The following AQP3 variants were observed in gnomAD, a reference collection of about 807,000 sequenced individuals.
AQP3 encodes aquaporin-3.
In AQP3, 15 loss-of-function variants were observed where a neutral mutation model predicts 30.3. That is an observed-to-expected ratio of 0.49 (90% CI 0.33 to 0.76). AQP3 has a LOEUF of 0.76. AQP3 is among the 30% of genes least tolerant of loss of function. The probability of loss-of-function intolerance (pLI) is 0.02; values close to 1 mark genes in which losing one functional copy is unlikely to be tolerated. For synonymous variants in AQP3, 153 were observed against 163.2 expected (o/e 0.94, Z 0.47); for missense variants, 272 against 384.8 (o/e 0.71, Z 2.45).
At chr9:33,442,792 G>A (rs1488851291) in intron 4 of AQP3, 60 bp downstream of exon 4, 2 of 1,512,240 alleles carry the variant, frequency 1.3e-6, no homozygotes, top group Non-Finnish European at 9.2e-7. Context: ...ACCAGCCCAT[G>A]AGCTACCAAG....
At chr9:33,446,194 T>G (rs939048021) in intron 1 of AQP3, among the ~76,000 whole-genome samples, 2 of 152,202 alleles carry the variant, frequency 1.3e-5, no homozygotes, top group Non-Finnish European at 2.9e-5. Context: ...CCACCTCCTA[T>G]TGCCTTCTTG....
Position 33,443,969 on chromosome 9 carries a change from C to T in AQP3, c.109-77G>A, listed in dbSNP as rs990063543. On this transcript the variant is annotated intron_variant, in intron 1 of 5. Transcript: ENST00000297991. This position sits in a 1 kb window ranked among gnomAD's most constrained non-coding sequence, Gnocchi z 5.0. The stretch of plus-strand genomic sequence containing the variant: ...CAGAAGGAAGGGGTGAAGCCAGCAA[C>T]ATGCCCACTCGCCACCACTGGGAGG... 1.2e-5 allele frequency: 18 copies of T among 1,549,238 alleles called. No homozygotes were observed. In the East Asian group the frequency reaches 2.0e-4, roughly 18 times the overall value.
Position 33,441,828 on chromosome 9 carries a change from C to T in AQP3, c.*215G>A, listed in dbSNP as rs16919255. ...CAAAAGGATGTATTGACCCAAATTC[C>T]GGTTCCACCCCAGCTTAGGGGCAGT... On this transcript the variant is annotated 3_prime_UTR_variant, in exon 6 of 6. Coordinates refer to ENST00000297991, the MANE Select transcript of AQP3 (RefSeq NM_004925.5). 4.5e-4 allele frequency: 321 copies of T among 720,892 alleles called. 1 individual carries two copies. The highest frequency in any genetic ancestry group is 6.4e-4 in the Admixed American group (25 of 38,922). 44.7% of individuals were successfully genotyped at this position (720,892 alleles called of 1,614,324 possible).
In AQP3 at chr9:33,442,327, A is replaced by C. The variant is rs1456587462; in HGVS notation, c.684T>G (p.Leu228=). 1.9e-6 allele frequency: 3 copies of C among 1,612,982 alleles called. No homozygotes were observed. In the African/African-American group the frequency reaches 4.0e-5, roughly 22 times the overall value. ...TGAAGACTGCAGAGCCCCAGCCCGCAAGGGCTGTAAAAAGGCGGGGGCCAA... is the reference window on the plus strand; with the variant it reads ...TGAAGACTGCAGAGCCCCAGCCCGCCAGGGCTGTAAAAAGGCGGGGGCCAA... ...RDFGPRLFTA[L]AGWGSAVFTT... is the part of the protein sequence containing the mutation. Residue 228 remains leucine, a synonymous_variant, in exon 5 of 6, where the codon CTT becomes CTG. Transcript: ENST00000297991.
chr9:33,442,488 C>G lies in AQP3; in HGVS notation c.523G>C (p.Val175Leu), dbSNP rs1266911225. ...TTGTAGGGGTCAACAATGGCCAGCACACACACGATAAGGGAGGCTGTGCCT... is the reference window on the plus strand; with the variant it reads ...TTGTAGGGGTCAACAATGGCCAGCAGACACACGATAAGGGAGGCTGTGCCT... The part of the protein sequence containing the change: ...FIGTASLIVC[V>L]LAIVDPYNNP... The change falls in exon 5 of 6, where the codon GTG becomes CTG. Residue 175 changes from valine (V) to leucine (L), a missense_variant. Physicochemically the swap from Val to Leu is conservative, Grantham distance 32. Coordinates refer to ENST00000297991, the MANE Select transcript of AQP3 (RefSeq NM_004925.5). 1 of 1,610,472 alleles carries G rather than the reference C, an allele frequency of 6.2e-7. No individual in the cohort carries two copies. Among genetic ancestry groups the G allele is most frequent in the East Asian group, 2.2e-5 (1 of 44,722 alleles).
intron 1 of AQP3, among the ~76,000 whole-genome samples, chr9:33,444,209 G>A (rs1162356900): frequency 1.3e-5 from 2 of 152,172 alleles, no homozygotes; most frequent in Non-Finnish European, 1.5e-5. Flanking sequence ...TAGGTGTAGG[G>A]GAACAGCTTT....
At position 33,441,168 on chromosome 9, in the gene AQP3, A is replaced by C. The variant is rs968496000; in HGVS notation, c.*875T>G. 6.6e-6 allele frequency: 1 copy of C among 152,592 alleles called. No individual in the cohort carries two copies. The highest frequency in any genetic ancestry group is 2.4e-5 in the African/African-American group (1 of 41,426). The allele number at this position is 152,592 out of a possible 1,614,324, so 9.5% of individuals were successfully genotyped here. A position where few individuals can be genotyped will look rare whatever the true frequency, so the allele number is the denominator to read the frequency against. On this transcript the variant is annotated 3_prime_UTR_variant, in exon 6 of 6. Transcript: ENST00000297991. ...ATTTGCACAACTGGAGGTTTTAGGC[A>C]CATATTTATTTTATTTTTTTTAATA...
chr9:33,442,753 C>T, intron 4 of AQP3, 99 bp downstream of exon 4: 2 of 1,267,560 alleles, frequency 1.6e-6, no homozygotes, highest in South Asian at 1.2e-5. Flanking sequence ...TGGAGAAACC[C>T]TGCTACAGTC....
In AQP3 at chr9:33,443,750, A is replaced by G; in HGVS notation, c.235+16T>C. Reference sequence around the variant, plus strand: ...CTATTGAGGGCCAAGGGCTGGGGGCAGGGTTAAGGCCTTACCAGAGACCTG... The same window carrying G: ...CTATTGAGGGCCAAGGGCTGGGGGCGGGGTTAAGGCCTTACCAGAGACCTG... On this transcript the variant is annotated intron_variant, in intron 2 of 5. Transcript: ENST00000297991. This position sits in a 1 kb window ranked among gnomAD's most constrained non-coding sequence, Gnocchi z 5.0. 6.2e-7 allele frequency: 1 copy of G among 1,613,900 alleles called. No individual in the cohort carries two copies. The highest frequency in any genetic ancestry group is 8.5e-7 in the Non-Finnish European group (1 of 1,179,944).
In AQP3 at chr9:33,443,563, G is replaced by A. The variant is rs181185448; in HGVS notation, c.236-105C>T. 6.0e-5 allele frequency: 90 copies of A among 1,496,356 alleles called. No individual in the cohort carries two copies. The East Asian group carries it at 1.6e-3, about 27-fold the overall frequency. The allele number at this position is 1,496,356 out of a possible 1,614,324, so 92.7% of individuals were successfully genotyped here. A position where few individuals can be genotyped will look rare whatever the true frequency, so the allele number is the denominator to read the frequency against. ...AGAGGGGTTTCTTGCACAGGATGGCGGTTGGTCTATGTAACAGGTCAGCTG... is the reference window on the plus strand; with the variant it reads ...AGAGGGGTTTCTTGCACAGGATGGCAGTTGGTCTATGTAACAGGTCAGCTG... On this transcript the variant is annotated intron_variant, in intron 2 of 5. Coordinates refer to ENST00000297991, the MANE Select transcript of AQP3 (RefSeq NM_004925.5). This position sits in a 1 kb window ranked among gnomAD's most constrained non-coding sequence, Gnocchi z 5.0.
Position 33,447,458 on chromosome 9 carries a change from C to T in AQP3, c.73G>A (p.Ala25Thr), listed in dbSNP as rs775067063. Residue 25 changes from alanine to threonine, a missense_variant, in exon 1 of 6, where the codon GCG (alanine) becomes ACG (threonine). This residue lies in a region of AQP3 where 51 missense variants were observed against 46.5 expected (regional missense o/e 1.10). Coordinates refer to ENST00000297991, the MANE Select transcript of AQP3 (RefSeq NM_004925.5). ...AGGGTCCCCAGGCACTCGGCCAGCGCCTGTCGGAGCAGCCGGTAGCGGATG... is the reference window on the plus strand; with the variant it reads ...AGGGTCCCCAGGCACTCGGCCAGCGTCTGTCGGAGCAGCCGGTAGCGGATG... ...LHIRYRLLRQ[A>T]LAECLGTLIL... The T allele has an allele frequency of 2.5e-6, 4 of 1,608,282 alleles. No individual in the cohort carries two copies. The East Asian group carries it at 8.9e-5, about 36-fold the overall frequency.
In AQP3 at chr9:33,443,469, G is replaced by A. The variant is rs1470499005; in HGVS notation, c.236-11C>T. On this transcript the variant is annotated splice_polypyrimidine_tract_variant and intron_variant, in intron 2 of 5. Coordinates refer to ENST00000297991, the MANE Select transcript of AQP3 (RefSeq NM_004925.5). The surrounding 1 kb of genome is among the most constrained non-coding windows in gnomAD (Gnocchi z 5.0). ...GGTTCAGGTGGGCCCCTGGGCAGAG[G>A]GGACAAGGGACCTATTAGCTGCAGC... is the stretch of plus-strand genomic sequence containing the variant. The A allele has an allele frequency of 6.2e-7, 1 of 1,611,138 alleles. No individual in the cohort carries two copies. Among genetic ancestry groups the A allele is most frequent in the Non-Finnish European group, 8.5e-7 (1 of 1,178,926 alleles).
At chr9:33,444,593 C>T in intron 1 of AQP3, among the ~76,000 whole-genome samples, 1 of 135,122 alleles carries the variant, frequency 7.4e-6, no homozygotes, top group East Asian at 2.3e-4. Flanking sequence ...GAGCGGGACT[C>T]CATCTCAAAA....
At chr9:33,444,599 CA>C (rs34738732) in intron 1 of AQP3, among the ~76,000 whole-genome samples, 42,447 of 113,022 alleles carry the variant, frequency 0.38, 7,023 homozygotes, top group East Asian at 0.52. Flanking sequence ...GACTCCATCT[CA>C]AAAAAAAAAA....
intron 1 of AQP3, among the ~76,000 whole-genome samples, chr9:33,444,556 C>T (rs923615398): frequency 2.0e-5 from 3 of 150,132 alleles, no homozygotes; most frequent in African/African-American, 4.9e-5. Context: ...GCCAAGATTG[C>T]GCCACTGCAC....
chr9:33,447,254 G>C (rs1231950832), intron 1 of AQP3, among the ~76,000 whole-genome samples, 169 bp downstream of exon 1: 1 of 152,246 alleles, frequency 6.6e-6, no homozygotes, highest in East Asian at 1.9e-4. Context: ...TAGAACCGTG[G>C]GGAAGAGGAC....
chr9:33,447,449 C>G lies in AQP3; in HGVS notation c.82G>C (p.Glu28Gln). The change falls in exon 1 of 6, where the codon GAG becomes CAG. Residue 28 changes from glutamate to glutamine, a missense_variant. This residue lies in a region of AQP3 where 51 missense variants were observed against 46.5 expected (regional missense o/e 1.10). Transcript: ENST00000297991. Reference protein sequence around the residue: ...RYRLLRQALAECLGTLILVMF... With the variant: ...RYRLLRQALAQCLGTLILVMF... ...ACCAGGATGAGGGTCCCCAGGCACTCGGCCAGCGCCTGTCGGAGCAGCCGG... is the reference window on the plus strand; with the variant it reads ...ACCAGGATGAGGGTCCCCAGGCACTGGGCCAGCGCCTGTCGGAGCAGCCGG... 6.2e-7 allele frequency: 1 copy of G among 1,606,784 alleles called. No homozygotes were observed. The highest frequency in any genetic ancestry group is 8.5e-7 in the Non-Finnish European group (1 of 1,177,292).
At position 33,442,134 on chromosome 9, in the gene AQP3, AGCT is replaced by A. The variant is rs1290127723; in HGVS notation, c.785_787del (p.Gln262del). On this transcript the variant is annotated inframe_deletion, in exon 6 of 6. Coordinates refer to ENST00000297991, the MANE Select transcript of AQP3 (RefSeq NM_004925.5). The stretch of plus-strand genomic sequence containing the variant: ...CTGCTCCAGGTGGCAGCCGATCATC[AGCT>A]GGTACACGAAGACACCCGCAATGGA... The A allele has an allele frequency of 6.2e-7, 1 of 1,613,394 alleles. No individual in the cohort carries two copies. The highest frequency in any genetic ancestry group is 1.3e-5 in the African/African-American group (1 of 74,876).
Position 33,441,706 on chromosome 9 carries a change from C to CCCA in AQP3, c.*336_*337insTGG, listed in dbSNP as rs375044413. 123 of 408,230 alleles carry CCCA rather than the reference C, an allele frequency of 3.0e-4. No homozygotes were observed. In the African/African-American group the frequency reaches 3.2e-3, roughly 11 times the overall value. 25.3% of individuals were successfully genotyped at this position (408,230 alleles called of 1,614,324 possible). ...TCCCTTGCCCTGAATATCTGGGAACCCCCCCCACACACACACACCCCTGCA... is the reference window on the plus strand; with the variant it reads ...TCCCTTGCCCTGAATATCTGGGAACCCCACCCCCCACACACACACACCCCTGCA... On this transcript the variant is annotated 3_prime_UTR_variant, in exon 6 of 6. Coordinates refer to ENST00000297991, the MANE Select transcript of AQP3 (RefSeq NM_004925.5).
Sources: gnomAD v4.1 joint callset for allele counts (sites outside exome capture counted in the v4.1 genomes callset) on GRCh38, gnomAD v4.1.1 for gene constraint, gnomAD v4.1.1 regional missense constraint, Gnocchi (gnomAD v3.1) non-coding constraint, MANE v1.5 for transcripts, NCBI Gene and HGNC (gene_info 2026-07-23, HGNC 2026-07-21) for gene names.